TBC1D22A: variants seen among roughly 807,000 people sequenced by gnomAD.
TBC1D22A encodes putative GTPase activator.
Under a neutral mutation model 60.2 loss-of-function variants are expected in TBC1D22A, and 38 were observed. The ratio of observed to expected loss-of-function variants is 0.63; its 90% CI spans 0.49 to 0.83. The LOEUF (loss-of-function observed/expected upper bound fraction) is 0.83, where lower values mean the gene tolerates loss of function less well. Ranked by LOEUF, TBC1D22A falls within the 40% of genes least tolerant of loss-of-function variation. The pLI, the probability that TBC1D22A is intolerant of heterozygous loss-of-function variation, is 0.00. For missense variants in TBC1D22A, 628 were observed against 701.0 expected (o/e 0.90, Z 1.18); for synonymous variants, 302 against 281.7 (o/e 1.07, Z -0.72).
At chr22:46,774,612 C>A (rs1479304094) in intron 1 of TBC1D22A, among the ~76,000 whole-genome samples, 1 of 152,250 alleles carries the variant, frequency 6.6e-6, no homozygotes, top group Non-Finnish European at 1.5e-5. Context: ...GCCCTCTCCT[C>A]CCTGAGTCTG....
chr22:47,159,586 G>A (rs1601715799), intron 12 of TBC1D22A, among the ~76,000 whole-genome samples: 1 of 149,870 alleles, frequency 6.7e-6, no homozygotes, highest in Non-Finnish European at 1.5e-5. Context: ...CCACAGTTAT[G>A]TACACGTATC....
chr22:47,164,211 G>A (rs949783903), intron 12 of TBC1D22A, among the ~76,000 whole-genome samples: 10 of 152,188 alleles, frequency 6.6e-5, no homozygotes, highest in African/African-American at 1.2e-4. Context: ...CCCGCAGGCC[G>A]TTCTCATTTG....
At chr22:46,882,176 T>G (rs1020766243) in intron 5 of TBC1D22A, among the ~76,000 whole-genome samples, 13 of 152,008 alleles carry the variant, frequency 8.6e-5, no homozygotes, top group Non-Finnish European at 1.5e-4. Flanking sequence ...ACGAAGCAAA[T>G]TGGAATCTCT....
intron 10 of TBC1D22A, among the ~76,000 whole-genome samples, chr22:46,999,950 G>T (rs571750891): frequency 6.6e-6 from 1 of 152,172 alleles, no homozygotes; most frequent in African/African-American, 2.4e-5. Context: ...GCGTGAACCC[G>T]GGAGGCGGAG....
intron 11 of TBC1D22A, among the ~76,000 whole-genome samples, chr22:47,104,948 A>G (rs2065576353): frequency 6.6e-6 from 1 of 151,396 alleles, no homozygotes; most frequent in Non-Finnish European, 1.5e-5. Flanking sequence ...CCCTTTCTGG[A>G]CCAAACCAGT....
intron 11 of TBC1D22A, among the ~76,000 whole-genome samples, chr22:47,088,227 C>T (rs916193481): frequency 1.3e-5 from 2 of 152,112 alleles, no homozygotes; most frequent in African/African-American, 4.8e-5. Context: ...AATGAGCACC[C>T]TGCGGAGTCC....
In TBC1D22A at chr22:46,769,350, G is replaced by A. The variant is rs993635078; in HGVS notation, c.62+6502G>A. Among the ~76,000 whole-genome samples, 3 of 152,208 alleles carry A rather than the reference G, an allele frequency of 2.0e-5. No homozygotes were observed. In the East Asian group the frequency reaches 5.8e-4, roughly 29 times the overall value. On this transcript the variant is annotated intron_variant, in intron 1 of 12. Coordinates refer to ENST00000337137, the MANE Select transcript of TBC1D22A (RefSeq NM_014346.5). ...GGGATAATGAATTCATTTGGAAAAC[G>A]TTTACGAGCTCCTCTCCTGTGCCAG...
chr22:46,938,412 C>T (rs1456342486), intron 8 of TBC1D22A, among the ~76,000 whole-genome samples: 1 of 152,146 alleles, frequency 6.6e-6, no homozygotes, highest in African/African-American at 2.4e-5. Flanking sequence ...TAAGTGCACT[C>T]TGTGATGTTA....
intron 4 of TBC1D22A, among the ~76,000 whole-genome samples, chr22:46,853,683 A>G (rs905440610): frequency 7.9e-5 from 12 of 152,246 alleles, no homozygotes; most frequent in African/African-American, 2.9e-4. Context: ...GCGGAACAGG[A>G]ACGGAGAAAT....
chr22:47,122,605 C>T (rs577928834), intron 12 of TBC1D22A, among the ~76,000 whole-genome samples: 1 of 152,304 alleles, frequency 6.6e-6, no homozygotes, highest in East Asian at 1.9e-4. Context: ...GCCCTAAATG[C>T]TACTAGCCTC....
chr22:47,099,070 C>T (rs2065305739), intron 11 of TBC1D22A, among the ~76,000 whole-genome samples: 1 of 152,214 alleles, frequency 6.6e-6, no homozygotes, highest in Non-Finnish European at 1.5e-5. Flanking sequence ...ACACAGGGGT[C>T]CCAATGCCAA....
intron 10 of TBC1D22A, among the ~76,000 whole-genome samples, chr22:47,034,022 C>T (rs560772300): frequency 1.3e-4 from 20 of 152,362 alleles, no homozygotes; most frequent in Admixed American, 2.6e-4. Context: ...GGGGCTTCAG[C>T]CTCAGGGGCC....
In TBC1D22A at chr22:46,846,517, A is replaced by T. The variant is rs545173303; in HGVS notation, c.638-32136A>T. Among the ~76,000 whole-genome samples, 18 of 152,182 alleles carry T rather than the reference A, an allele frequency of 1.2e-4. 1 individual carries two copies. The highest frequency in any genetic ancestry group is 7.3e-5 in the Non-Finnish European group (5 of 68,034). On this transcript the variant is annotated intron_variant, in intron 4 of 12. Coordinates refer to ENST00000337137, the MANE Select transcript of TBC1D22A (RefSeq NM_014346.5). ...CGGGAAATGGACGGAGTTTTCCCCA[A>T]TGGGAATATCATCAATCATTGTCAT...
intron 1 of TBC1D22A, among the ~76,000 whole-genome samples, chr22:46,787,171 C>G (rs940683692): frequency 6.6e-6 from 1 of 152,116 alleles, no homozygotes; most frequent in Non-Finnish European, 1.5e-5. Context: ...ATAATAATGT[C>G]TTTTCCATCA....
At chr22:47,155,687 C>T (rs112096250) in intron 12 of TBC1D22A, among the ~76,000 whole-genome samples, 6 of 148,536 alleles carry the variant, frequency 4.0e-5, no homozygotes, top group South Asian at 2.1e-4. Context: ...CCAGACACCA[C>T]GGCCGTTCTC....
At position 46,793,744 on chromosome 22, in the gene TBC1D22A, G is replaced by C; in HGVS notation, c.363G>C (p.Gln121His). 6.2e-7 allele frequency: 1 copy of C among 1,605,668 alleles called. No homozygotes were observed. Among genetic ancestry groups the C allele is most frequent in the Non-Finnish European group, 8.5e-7 (1 of 1,177,590 alleles). ...CGCTGCAGGAGGGGCCAGGGCTTCA[G>C]CAGAAGCCCAGGCCCGAGGCAGAGC... ...RPTLQEGPGL[Q>H]QKPRPEAEPP... The change falls in exon 3 of 13, where the codon CAG becomes CAC. Residue 121 changes from glutamine (Q) to histidine (H), a missense_variant. Coordinates refer to ENST00000337137, the MANE Select transcript of TBC1D22A (RefSeq NM_014346.5).
intron 11 of TBC1D22A, among the ~76,000 whole-genome samples, chr22:47,086,897 C>G (rs953398535): frequency 2.6e-5 from 4 of 152,256 alleles, no homozygotes; most frequent in Admixed American, 2.6e-4. Flanking sequence ...GCTGTATCTA[C>G]AGGCCTGTTC....
intron 5 of TBC1D22A, 43 bp downstream of exon 5, chr22:46,878,766 A>G (rs894149547): frequency 6.3e-7 from 1 of 1,594,954 alleles, no homozygotes; most frequent in Non-Finnish European, 8.6e-7. Context: ...CTTCCTGTGC[A>G]CAGGGACTGC....
At chr22:47,120,542 C>G (rs2066234847) in intron 12 of TBC1D22A, among the ~76,000 whole-genome samples, 1 of 152,246 alleles carries the variant, frequency 6.6e-6, no homozygotes, top group South Asian at 2.1e-4. Flanking sequence ...GCTTCCTGCT[C>G]TGGGACCAGG....
Sources: gnomAD v4.1 joint callset for allele counts (sites outside exome capture counted in the v4.1 genomes callset) on GRCh38, gnomAD v4.1.1 for gene constraint, MANE v1.5 for transcripts, NCBI Gene and HGNC (gene_info 2026-07-23, HGNC 2026-07-21) for gene names.